The following UBA2 variants were observed in gnomAD, a reference collection of about 807,000 sequenced individuals.
UBA2 encodes the protein SUMO-activating enzyme subunit 2.
In UBA2, 11 loss-of-function variants were observed where a neutral mutation model predicts 77.2. That is an observed-to-expected ratio of 0.14 (90% CI 0.09 to 0.24). The LOEUF (loss-of-function observed/expected upper bound fraction) is 0.24, where lower values mean the gene tolerates loss of function less well. Among genes scored for constraint, UBA2 ranks in the 10% least tolerant of loss-of-function variants. The pLI is 1.00. For missense variants in UBA2, 487 were observed against 781.7 expected (o/e 0.62, Z 4.50); for synonymous variants, 278 against 276.7 (o/e 1.00, Z -0.05).
intron 6 of UBA2, among the ~76,000 whole-genome samples, chr19:34,443,441 CTT>C (rs35696396): frequency 2.0e-4 from 27 of 132,208 alleles, no homozygotes; most frequent in Middle Eastern, 4.1e-3. Context: ...CCGTTATTCA[CTT>C]TTTTTTTTTT....
At chr19:34,444,447 C>T (rs753410512) in intron 7 of UBA2, among the ~76,000 whole-genome samples, 1 of 152,140 alleles carries the variant, frequency 6.6e-6, no homozygotes, top group African/African-American at 2.4e-5. Context: ...AATAGAGCTG[C>T]GAGTTGTTCC....
At chr19:34,467,347 C>T (rs2075698359) in intron 16 of UBA2, among the ~76,000 whole-genome samples, 1 of 151,764 alleles carries the variant, frequency 6.6e-6, no homozygotes, top group Non-Finnish European at 1.5e-5. Flanking sequence ...TAGCGTGTAC[C>T]TGTAGTCTCC....
intron 4 of UBA2, among the ~76,000 whole-genome samples, chr19:34,434,666 G>A (rs1462017898): frequency 6.6e-6 from 1 of 152,148 alleles, no homozygotes; most frequent in African/African-American, 2.4e-5. Flanking sequence ...GAGTAAATTT[G>A]TGATATAAAT....
In UBA2 at chr19:34,435,389, C is replaced by T. The variant is rs1183183850; in HGVS notation, c.459+421C>T. Among the ~76,000 whole-genome samples, 3 of 152,278 alleles carry T rather than the reference C, an allele frequency of 2.0e-5. No individual in the cohort carries two copies. In the South Asian group the frequency reaches 6.2e-4, roughly 32 times the overall value. On this transcript the variant is annotated intron_variant, in intron 5 of 16. Transcript: ENST00000246548. ...CTCCAGCCTGGGCTACAGATCAAGC[C>T]TCTGTCTCAAAAAACAAACTTAAAA...
chr19:34,449,276 G>C (rs985930802), intron 8 of UBA2, among the ~76,000 whole-genome samples: 13 of 151,998 alleles, frequency 8.6e-5, no homozygotes, highest in Non-Finnish European at 1.0e-4. Flanking sequence ...CACCATGTTG[G>C]CCAGGATGGT....
intron 6 of UBA2, among the ~76,000 whole-genome samples, chr19:34,440,925 C>CAAAAA (rs569153016): frequency 1.6e-5 from 1 of 64,464 alleles, no homozygotes; most frequent in African/African-American, 5.2e-5. Context: ...GACTCCATCT[C>CAAAAA]AAAAAAAAAA....
chr19:34,435,280 C>G (rs1455496362), intron 5 of UBA2, among the ~76,000 whole-genome samples: 1 of 152,182 alleles, frequency 6.6e-6, no homozygotes, highest in Non-Finnish European at 1.5e-5. Flanking sequence ...CGCCTGTAAT[C>G]CCAGCTACTT....
intron 3 of UBA2, among the ~76,000 whole-genome samples, chr19:34,432,257 C>T (rs2075264074): frequency 6.6e-6 from 1 of 152,044 alleles, no homozygotes; most frequent in African/African-American, 2.4e-5. Flanking sequence ...AAAGTGTTTG[C>T]CTTTTTTTGT....
intron 9 of UBA2, among the ~76,000 whole-genome samples, chr19:34,450,742 C>CTTTTTTTTTTTT (rs59580124): frequency 3.6e-5 from 3 of 83,402 alleles, no homozygotes; most frequent in South Asian, 5.2e-4. Context: ...TTATGTATAT[C>CTTTTTTTTTTTT]TTTTTTTTTT....
chr19:34,459,445 G>C (rs868662010), intron 13 of UBA2, among the ~76,000 whole-genome samples: 1 of 152,116 alleles, frequency 6.6e-6, no homozygotes, highest in African/African-American at 2.4e-5. Flanking sequence ...TATTTCTGAG[G>C]TCTGAGTTGA....
rs907801481 is a variant in UBA2, at chr19:34,434,799, G to A, written c.359-69G>A. ...AAGCCAGTAAGATAGTTTTGAGTCT[G>A]TGTCATCCTAATTAAAGATAACTAA... On this transcript the variant is annotated intron_variant, in intron 4 of 16. Coordinates refer to ENST00000246548, the MANE Select transcript of UBA2 (RefSeq NM_005499.3). The A allele has an allele frequency of 3.4e-6, 4 of 1,187,824 alleles. No individual in the cohort carries two copies. The African/African-American group carries it at 6.1e-5, about 18-fold the overall frequency. 73.6% of individuals were successfully genotyped at this position (1,187,824 alleles called of 1,614,324 possible). A position where few individuals can be genotyped will look rare whatever the true frequency, so the allele number is the denominator to read the frequency against.
At chr19:34,443,957 T>TA in intron 7 of UBA2, 46 bp downstream of exon 7, 1 of 1,364,922 alleles carries the variant, frequency 7.3e-7, no homozygotes. Context: ...CTATTATCTT[T>TA]ATTTTGTTGA....
chr19:34,439,106 G>A (rs2075340462), intron 6 of UBA2, among the ~76,000 whole-genome samples: 1 of 151,924 alleles, frequency 6.6e-6, no homozygotes, highest in Non-Finnish European at 1.5e-5. Flanking sequence ...TACTCGGGAG[G>A]CTGAGGCAAG....
chr19:34,457,201 T>A (rs1304725862), intron 12 of UBA2, among the ~76,000 whole-genome samples: 1 of 130,474 alleles, frequency 7.7e-6, no homozygotes, highest in African/African-American at 3.0e-5. Flanking sequence ...TATATATATA[T>A]ATATATATAT....
intron 12 of UBA2, among the ~76,000 whole-genome samples, chr19:34,457,180 ATATATATATATATAT>A (rs1423722614): frequency 5.0e-5 from 2 of 39,968 alleles, no homozygotes; most frequent in African/African-American, 2.9e-4. Flanking sequence ...AAAAAAAAAA[ATATATATATATATAT>A]ATATATATAT....
intron 12 of UBA2, among the ~76,000 whole-genome samples, chr19:34,455,290 G>T (rs7251055): frequency 0.66 from 100,809 of 152,008 alleles, 36,725 homozygotes; most frequent in Non-Finnish European, 0.82. Context: ...CCAAGTTTAA[G>T]ATCATTTTTA....
intron 4 of UBA2, 101 bp from the exon 5 acceptor site, chr19:34,434,767 A>G: frequency 2.3e-6 from 2 of 874,068 alleles, no homozygotes; most frequent in Non-Finnish European, 3.6e-6. Flanking sequence ...AAATTGTACA[A>G]AAAATGAAGC....
chr19:34,444,987 G>A lies in UBA2; in HGVS notation c.650-13G>A, dbSNP rs2075412801. 2 of 1,604,400 alleles carry A rather than the reference G, an allele frequency of 1.2e-6. No individual in the cohort carries two copies. Among genetic ancestry groups the A allele is most frequent in the African/African-American group, 2.7e-5 (2 of 74,300 alleles). On this transcript the variant is annotated splice_polypyrimidine_tract_variant and intron_variant, in intron 7 of 16. Coordinates refer to ENST00000246548, the MANE Select transcript of UBA2 (RefSeq NM_005499.3). ...TTATTACGGTTGAAAATAAAATAAT[G>A]ATCGTTTTATAGGGGAACCAACGGA...
chr19:34,456,497 T>G (rs1434559580), intron 12 of UBA2, among the ~76,000 whole-genome samples: 1 of 152,202 alleles, frequency 6.6e-6, no homozygotes, highest in Non-Finnish European at 1.5e-5. Context: ...CCATCTTGAT[T>G]TAGTTTTCTA....
Sources: allele counts gnomAD v4.1 joint callset (sites outside exome capture counted in the v4.1 genomes callset), GRCh38; gene constraint gnomAD v4.1.1; transcripts MANE v1.5; gene names NCBI Gene and HGNC (gene_info 2026-07-23, HGNC 2026-07-21).